Variants in WWOX observed in about 807,000 individuals in gnomAD.
WWOX encodes the protein WW domain containing oxidoreductase.
A neutral mutation model predicts 46.2 loss-of-function variants in WWOX; 69 were observed. The observed-to-expected ratio is 1.49, with a 90% CI of 1.23 to 1.82. WWOX has a LOEUF of 1.82. Among genes scored for constraint, WWOX ranks in the 40% most tolerant of loss-of-function variants. The pLI is 0.00. For missense variants in WWOX, 919 were observed against 542.6 expected, an observed-to-expected ratio of 1.69 and a Z score of -6.89; for synonymous variants, 359 against 202.6, an observed-to-expected ratio of 1.77 and a Z score of -6.56.
At chr16:78,795,436 G>A (rs901506503) in intron 8 of WWOX, among the ~76,000 whole-genome samples, 2 of 152,072 alleles carry the variant, frequency 1.3e-5, no homozygotes, top group African/African-American at 2.4e-5. Context: ...GGCTACCCAT[G>A]GACTACAACT....
intron 8 of WWOX, among the ~76,000 whole-genome samples, chr16:79,089,403 C>G (rs901476746): frequency 6.6e-6 from 1 of 150,530 alleles, no homozygotes; most frequent in Non-Finnish European, 1.5e-5. Context: ...ATGATCTCGG[C>G]TCACTGCAAC....
At chr16:78,934,799 T>A (rs1390858557) in intron 8 of WWOX, among the ~76,000 whole-genome samples, 1 of 152,066 alleles carries the variant, frequency 6.6e-6, no homozygotes, top group Admixed American at 6.5e-5. Context: ...AGAGAGCAGA[T>A]GTTAAAAGAG....
intron 8 of WWOX, among the ~76,000 whole-genome samples, chr16:78,964,879 G>T (rs4888890): frequency 0.98 from 148,868 of 152,328 alleles, 72,846 homozygotes; most frequent in East Asian, 1. Context: ...AAGGGGCCAA[G>T]GTATAGCTCA....
chr16:79,124,463 G>A (rs568942016), intron 8 of WWOX, among the ~76,000 whole-genome samples: 1 of 152,322 alleles, frequency 6.6e-6, no homozygotes, highest in South Asian at 2.1e-4. Context: ...GGAAGACAGG[G>A]CAGGAGGGTG....
chr16:79,035,177 A>G (rs2047841672), intron 8 of WWOX, among the ~76,000 whole-genome samples: 1 of 152,160 alleles, frequency 6.6e-6, no homozygotes, highest in African/African-American at 2.4e-5. Context: ...TGCATGTGCC[A>G]CTTTAATTTC....
chr16:78,332,542 C>T (rs918202227), intron 5 of WWOX, among the ~76,000 whole-genome samples: 1 of 152,132 alleles, frequency 6.6e-6, no homozygotes, highest in African/African-American at 2.4e-5. Context: ...ATTCCATTTG[C>T]TCAAGAACAA....
intron 8 of WWOX, among the ~76,000 whole-genome samples, chr16:78,786,431 A>G (rs1370641002): frequency 2.0e-5 from 3 of 152,228 alleles, no homozygotes; most frequent in African/African-American, 7.2e-5. Context: ...TCAAGAGCAT[A>G]GGTAACAGTA....
intron 8 of WWOX, among the ~76,000 whole-genome samples, chr16:78,846,392 C>T (rs1167731772): frequency 6.6e-6 from 1 of 152,136 alleles, no homozygotes; most frequent in Non-Finnish European, 1.5e-5. Flanking sequence ...TATCATATCT[C>T]TCCAGTCCCC....
At chr16:79,038,187 C>G (rs1047518636) in intron 8 of WWOX, among the ~76,000 whole-genome samples, 6 of 152,060 alleles carry the variant, frequency 3.9e-5, no homozygotes, top group East Asian at 1.9e-4. Flanking sequence ...TTTTTTTTGT[C>G]AGCTCACACC....
intron 8 of WWOX, among the ~76,000 whole-genome samples, chr16:78,724,354 C>T (rs562428698): frequency 2.0e-5 from 3 of 152,284 alleles, no homozygotes; most frequent in Non-Finnish European, 2.9e-5. Flanking sequence ...TTGATGTGAC[C>T]TTTAGCAACA....
intron 8 of WWOX, among the ~76,000 whole-genome samples, chr16:78,480,527 A>G (rs2084460664): frequency 6.6e-6 from 1 of 152,256 alleles, no homozygotes; most frequent in Non-Finnish European, 1.5e-5. Flanking sequence ...ATGAGGAAAG[A>G]GATGTGCTAA....
At position 78,392,591 on chromosome 16, in the gene WWOX, C is replaced by T. The variant is rs541451882; in HGVS notation, c.605+5643C>T. Among the ~76,000 whole-genome samples the T allele has an allele frequency of 2.8e-3, 423 of 152,170 alleles. 1 individual carries two copies. Among genetic ancestry groups the T allele is most frequent in the Non-Finnish European group, 5.1e-3 (345 of 68,020 alleles). On this transcript the variant is annotated intron_variant, in intron 6 of 8. Transcript: ENST00000566780. ...GCTGGTGCCAAAAAAATTTGGAAAC[C>T]TCTGCTCTAGAGATTTCTGCAGTCT...
chr16:78,529,650 G>A (rs144708156), intron 8 of WWOX, among the ~76,000 whole-genome samples: 12,327 of 151,578 alleles, frequency 0.081, 581 homozygotes, highest in East Asian at 0.12. Context: ...TTTATTTTTA[G>A]TAGAGATGGG....
intron 8 of WWOX, among the ~76,000 whole-genome samples, chr16:78,613,489 C>T (rs1597348682): frequency 6.6e-6 from 1 of 152,166 alleles, no homozygotes; most frequent in Non-Finnish European, 1.5e-5. Flanking sequence ...CCAGTTTCCT[C>T]TCCCCCTTAC....
At chr16:78,858,144 T>TGTGTGTG (rs2052610709) in intron 8 of WWOX, among the ~76,000 whole-genome samples, 75 of 148,650 alleles carry the variant, frequency 5.0e-4, no homozygotes, top group African/African-American at 1.6e-3. Context: ...CATTGTGTGT[T>TGTGTGTG]TGTGTGTGTG....
At chr16:78,938,448 C>A (rs1022285651) in intron 8 of WWOX, among the ~76,000 whole-genome samples, 3 of 151,544 alleles carry the variant, frequency 2.0e-5, no homozygotes, top group Non-Finnish European at 4.4e-5. Flanking sequence ...ACAGTGAAAC[C>A]CTCAAAGGCA....
At chr16:78,645,962 C>T in intron 8 of WWOX, among the ~76,000 whole-genome samples, 1 of 152,178 alleles carries the variant, frequency 6.6e-6, no homozygotes, top group Non-Finnish European at 1.5e-5. Flanking sequence ...GTCTTCAATT[C>T]TGTCCCTGGC....
intron 8 of WWOX, among the ~76,000 whole-genome samples, chr16:78,752,680 CT>C (rs2049516337): frequency 6.6e-6 from 1 of 152,200 alleles, no homozygotes. Flanking sequence ...CTGTTTTCCC[CT>C]GAGAGTGGTT....
intron 8 of WWOX, among the ~76,000 whole-genome samples, chr16:79,074,226 TC>T (rs898738889): frequency 3.1e-4 from 46 of 148,946 alleles, no homozygotes; most frequent in South Asian, 1.9e-3. Context: ...AACCTGGATT[TC>T]TATTTTTTTA....
Sources: allele counts gnomAD v4.1 joint callset (sites outside exome capture counted in the v4.1 genomes callset), GRCh38; gene constraint gnomAD v4.1.1; transcripts MANE v1.5; gene names NCBI Gene and HGNC (gene_info 2026-07-23, HGNC 2026-07-21).